Variants in IFT74 observed in about 807,000 individuals in gnomAD.
The protein encoded by IFT74 is intraflagellar transport 74, also known as intraflagellar transport protein 74 homolog.
In IFT74, 92 loss-of-function variants were observed where a neutral mutation model predicts 96.7. That is an observed-to-expected ratio of 0.95 (90% confidence interval 0.80 to 1.13). IFT74 has a LOEUF of 1.13. Ranked by LOEUF, IFT74 falls within the 50% of genes most tolerant of loss-of-function variation. The probability of loss-of-function intolerance (pLI) is 0.00; values close to 1 mark genes in which losing one functional copy is unlikely to be tolerated. For missense variants in IFT74, 811 were observed against 698.2 expected, an observed-to-expected ratio of 1.16 and a Z score of -1.82; for synonymous variants, 223 against 213.2, an observed-to-expected ratio of 1.05 and a Z score of -0.40.
chr9:27,005,972 T>C (rs1172078508), intron 8 of IFT74, among the ~76,000 whole-genome samples: 5 of 151,984 alleles, frequency 3.3e-5, no homozygotes, highest in African/African-American at 1.2e-4. Context: ...GCCTCCTGAG[T>C]AGCTGGGATT....
At chr9:27,011,004 T>A (rs1279846692) in intron 9 of IFT74, among the ~76,000 whole-genome samples, 1 of 152,220 alleles carries the variant, frequency 6.6e-6, no homozygotes. Flanking sequence ...TTAGTAACCT[T>A]TTTATTTTAG....
chr9:27,049,835 C>A (rs1300128918), intron 16 of IFT74, among the ~76,000 whole-genome samples: 2 of 152,186 alleles, frequency 1.3e-5, no homozygotes, highest in East Asian at 3.9e-4. Flanking sequence ...GAGACTAGAG[C>A]AGCACTGTCC....
intron 8 of IFT74, chr9:26,996,509 CAGAA>C (rs754715981): frequency 2.1e-6 from 3 of 1,414,032 alleles, no homozygotes; most frequent in East Asian, 2.5e-5. Context: ...TCTAGTAAAT[CAGAA>C]AGAATAAGAT....
intron 8 of IFT74, among the ~76,000 whole-genome samples, chr9:27,008,814 G>T (rs1375747973): frequency 6.6e-6 from 1 of 151,814 alleles, no homozygotes; most frequent in Non-Finnish European, 1.5e-5. Flanking sequence ...AGAAGAGAAA[G>T]ATGTAAAAAT....
At chr9:26,981,506 C>G (rs139660064) in intron 4 of IFT74, among the ~76,000 whole-genome samples, 1 of 152,008 alleles carries the variant, frequency 6.6e-6, no homozygotes, top group African/African-American at 2.4e-5. Flanking sequence ...CCTCTGTCTC[C>G]CAGGTTTAAG....
In IFT74 at chr9:27,062,999, T is replaced by C. The variant is rs1820494107; in HGVS notation, c.*263T>C. 1 of 345,830 alleles carries C rather than the reference T, an allele frequency of 2.9e-6. No homozygotes were observed. The allele number at this position is 345,830 out of a possible 1,614,324, so 21.4% of individuals were successfully genotyped here. A position where few individuals can be genotyped will look rare whatever the true frequency, so the allele number is the denominator to read the frequency against. Reference sequence around the variant, plus strand: ...GAGATAAAGAAACTAAAAGTGACCGTTGAAATTTATTTAGCTGGTATAATC... The same window carrying C: ...GAGATAAAGAAACTAAAAGTGACCGCTGAAATTTATTTAGCTGGTATAATC... On this transcript the variant is annotated 3_prime_UTR_variant, in exon 20 of 20. Coordinates refer to ENST00000380062, the MANE Select transcript of IFT74 (RefSeq NM_025103.4).
chr9:26,978,377 G>T, intron 3 of IFT74, 114 bp downstream of exon 3: 1 of 1,031,634 alleles, frequency 9.7e-7, no homozygotes, highest in Non-Finnish European at 1.4e-6. Context: ...AAGTATTACA[G>T]TACCATTTTT....
In IFT74 at chr9:27,062,638, G is replaced by A; in HGVS notation, c.1705G>A (p.Glu569Lys). Residue 569 changes from glutamate to lysine, a missense_variant, in exon 20 of 20, where the codon GAG becomes AAG. Glu to Lys is a moderately conservative substitution (Grantham distance 56). Coordinates refer to ENST00000380062, the MANE Select transcript of IFT74 (RefSeq NM_025103.4). ...ATTAGTCATAGCAACCAAGAGTCAAGAGAGTGATTACCAGCCAATTAAGAA... is the reference window on the plus strand; with the variant it reads ...ATTAGTCATAGCAACCAAGAGTCAAAAGAGTGATTACCAGCCAATTAAGAA... Reference protein sequence around the residue: ...MKEFIATKSQESDYQPIKKNV... With the variant: ...MKEFIATKSQKSDYQPIKKNV... 1 of 1,603,880 alleles carries A rather than the reference G, an allele frequency of 6.2e-7. No homozygotes were observed. The highest frequency in any genetic ancestry group is 8.5e-7 in the Non-Finnish European group (1 of 1,172,638).
intron 2 of IFT74, among the ~76,000 whole-genome samples, chr9:26,965,481 G>C (rs1022516961): frequency 2.0e-5 from 3 of 151,976 alleles, no homozygotes; most frequent in Non-Finnish European, 2.9e-5. Flanking sequence ...CATCAACTTA[G>C]ACTGAAATAA....
At chr9:27,059,662 C>G (rs950621616) in intron 18 of IFT74, among the ~76,000 whole-genome samples, 1 of 152,208 alleles carries the variant, frequency 6.6e-6, no homozygotes, top group African/African-American at 2.4e-5. Flanking sequence ...GCTCACAGCA[C>G]ATACAGTTCA....
At chr9:26,951,628 A>G (rs1376529548), upstream of IFT74, among the ~76,000 whole-genome samples, 4 of 152,296 alleles carry the variant, frequency 2.6e-5, no homozygotes, top group Non-Finnish European at 5.9e-5. Context: ...GCTGGGCGCA[A>G]TGGCTCACGC....
At chr9:26,981,559 C>T (rs1827373967) in intron 4 of IFT74, among the ~76,000 whole-genome samples, 1 of 151,942 alleles carries the variant, frequency 6.6e-6, no homozygotes, top group East Asian at 1.9e-4. Context: ...GGATTACAGG[C>T]GTTTGCCACC....
intron 12 of IFT74, 173 bp from the exon 13 acceptor site, chr9:27,028,852 T>C (rs1002800226): frequency 1.7e-5 from 9 of 518,828 alleles, no homozygotes; most frequent in African/African-American, 1.4e-4. Flanking sequence ...ATTTATGCAA[T>C]TTGTAAAAGA....
chr9:26,988,498 A>G (rs537846316), intron 6 of IFT74, among the ~76,000 whole-genome samples, 171 bp from the exon 7 acceptor site: 1 of 152,234 alleles, frequency 6.6e-6, no homozygotes, highest in Non-Finnish European at 1.5e-5. Context: ...ATATATGCTT[A>G]CTTAGGTAGC....
At chr9:26,958,185 T>C (rs1826205526) in intron 1 of IFT74, among the ~76,000 whole-genome samples, 1 of 152,240 alleles carries the variant, frequency 6.6e-6, no homozygotes, top group African/African-American at 2.4e-5. Flanking sequence ...GATATAAAGA[T>C]GATTAAGATT....
Position 27,064,752 on chromosome 9 carries a change from T to A in IFT74, c.*2016T>A, listed in dbSNP as rs565176007. On this transcript the variant is annotated 3_prime_UTR_variant, in exon 20 of 20. Transcript: ENST00000380062. ...CCTTTACTTTTTCCTTAGGTTTTTT[T>A]TTATGATTTCTACTTAAGTGTTCTT... is the stretch of plus-strand genomic sequence containing the variant. Among the ~76,000 whole-genome samples, 202 of 152,270 alleles carry A rather than the reference T, an allele frequency of 1.3e-3. 1 individual carries two copies. The highest frequency in any genetic ancestry group is 2.5e-3 in the Non-Finnish European group (173 of 67,982).
intron 2 of IFT74, chr9:26,976,739 A>G (rs1232761053): frequency 2.2e-6 from 1 of 455,764 alleles, no homozygotes; most frequent in Non-Finnish European, 4.4e-6. Context: ...CTATTTGAAG[A>G]GAAACCTTGC....
intron 19 of IFT74, among the ~76,000 whole-genome samples, chr9:27,061,251 A>G (rs781665463): frequency 2.6e-5 from 4 of 152,196 alleles, no homozygotes; most frequent in Non-Finnish European, 4.4e-5. Flanking sequence ...TTAATGTGGC[A>G]TAGTGATTAA....
chr9:27,052,301 C>T (rs939240893), intron 16 of IFT74, among the ~76,000 whole-genome samples: 2 of 151,926 alleles, frequency 1.3e-5, no homozygotes, highest in African/African-American at 2.4e-5. Flanking sequence ...TCTGAGGTCA[C>T]GAGTTCAAGA....
Sources: allele counts gnomAD v4.1 joint callset (sites outside exome capture counted in the v4.1 genomes callset), GRCh38; gene constraint gnomAD v4.1.1; transcripts MANE v1.5; gene names NCBI Gene and HGNC (gene_info 2026-07-23, HGNC 2026-07-21).